SLC25A21: variants seen among roughly 807,000 people sequenced by gnomAD.
SLC25A21 encodes solute carrier family 25 member 21.
A neutral mutation model predicts 43.8 loss-of-function variants in SLC25A21; 47 were observed. The observed-to-expected ratio is 1.07, with a 90% CI of 0.85 to 1.37. The LOEUF is 1.37. Ranked by LOEUF, SLC25A21 falls within the 40% of genes most tolerant of loss-of-function variation. The probability of loss-of-function intolerance (pLI) is 0.00; values close to 1 mark genes in which losing one functional copy is unlikely to be tolerated. For missense variants in SLC25A21, 352 were observed against 350.2 expected (o/e 1.00, Z -0.04); for synonymous variants, 131 against 121.3 (o/e 1.08, Z -0.52).
intron 5 of SLC25A21, 88 bp downstream of exon 5, chr14:36,729,419 G>A: frequency 2.0e-6 from 2 of 987,650 alleles, no homozygotes; most frequent in East Asian, 5.6e-5. Context: ...TTTAGTAGCT[G>A]GGCTTGGAAA....
chr14:36,896,134 G>T (rs1454656402), intron 1 of SLC25A21, among the ~76,000 whole-genome samples: 2 of 152,216 alleles, frequency 1.3e-5, no homozygotes, highest in Non-Finnish European at 2.9e-5. Flanking sequence ...AATGTTGACA[G>T]TGGGGTGTTA....
intron 3 of SLC25A21, among the ~76,000 whole-genome samples, chr14:36,783,580 G>A (rs1239809527): frequency 1.3e-5 from 2 of 152,112 alleles, no homozygotes; most frequent in South Asian, 2.1e-4. Context: ...GTATGCTCTC[G>A]CTTTCTTCTA....
chr14:36,763,600 G>A (rs1886247008), intron 3 of SLC25A21, among the ~76,000 whole-genome samples: 4 of 152,144 alleles, frequency 2.6e-5, no homozygotes. Flanking sequence ...TGGTGGTAGG[G>A]GGTCTGGAAA....
At chr14:37,160,640 TA>T (rs1324723354) in intron 1 of SLC25A21, among the ~76,000 whole-genome samples, 1 of 151,662 alleles carries the variant, frequency 6.6e-6, no homozygotes, top group Non-Finnish European at 1.5e-5. Flanking sequence ...ATAGTAGAAA[TA>T]AATTCAGGCC....
At chr14:36,690,845 T>G (rs1882767002) in intron 7 of SLC25A21, among the ~76,000 whole-genome samples, 2 of 152,206 alleles carry the variant, frequency 1.3e-5, no homozygotes, top group Admixed American at 1.3e-4. Flanking sequence ...ACAGAAGACA[T>G]ACTATTATAG....
At chr14:37,095,518 G>A (rs570398054) in intron 1 of SLC25A21, among the ~76,000 whole-genome samples, 2 of 151,914 alleles carry the variant, frequency 1.3e-5, no homozygotes, top group South Asian at 2.1e-4. Flanking sequence ...ACTCCATCTC[G>A]ACAAACAAAC....
chr14:37,064,414 GTCTC>G (rs369330133), intron 1 of SLC25A21, among the ~76,000 whole-genome samples: 11 of 149,860 alleles, frequency 7.3e-5, no homozygotes, highest in South Asian at 6.3e-4. Flanking sequence ...AAATTCTCTT[GTCTC>G]TCTCTCTCTC....
rs1405746137 is a variant in SLC25A21, at chr14:36,686,506, T to C, written c.604-1581A>G. Among the ~76,000 whole-genome samples, 3 of 152,168 alleles carry C rather than the reference T, an allele frequency of 2.0e-5. No homozygotes were observed. In the East Asian group the frequency reaches 5.8e-4, roughly 29 times the overall value. Reference sequence around the variant, plus strand: ...AGTCACTGAATCACCCAGAGCCCAGTGTATCCAAGGGAAGTTTTTAACTCC... The same window carrying C: ...AGTCACTGAATCACCCAGAGCCCAGCGTATCCAAGGGAAGTTTTTAACTCC... On this transcript the variant is annotated intron_variant, in intron 7 of 9. Coordinates refer to ENST00000331299, the MANE Select transcript of SLC25A21 (RefSeq NM_030631.4).
At chr14:37,005,940 C>CT (rs139651595) in intron 1 of SLC25A21, among the ~76,000 whole-genome samples, 3 of 152,054 alleles carry the variant, frequency 2.0e-5, no homozygotes, top group Admixed American at 6.5e-5. Flanking sequence ...TAAAAAATAA[C>CT]TTTTTTTTCA....
At chr14:36,946,418 A>T (rs1892681093) in intron 1 of SLC25A21, among the ~76,000 whole-genome samples, 1 of 152,128 alleles carries the variant, frequency 6.6e-6, no homozygotes, top group African/African-American at 2.4e-5. Context: ...TACCATGAGT[A>T]AACTTATATT....
At chr14:36,874,285 G>A (rs1214372819) in intron 2 of SLC25A21, among the ~76,000 whole-genome samples, 2 of 152,166 alleles carry the variant, frequency 1.3e-5, no homozygotes, top group Admixed American at 6.5e-5. Context: ...CAAATAAATG[G>A]AAATTTTCAC....
intron 2 of SLC25A21, among the ~76,000 whole-genome samples, chr14:36,828,160 T>C (rs1428748297): frequency 6.6e-6 from 1 of 150,922 alleles, no homozygotes; most frequent in African/African-American, 2.4e-5. Context: ...GGCATGGAAA[T>C]CCATGAGGAA....
intron 9 of SLC25A21, among the ~76,000 whole-genome samples, chr14:36,682,285 C>T (rs1323535488): frequency 6.6e-6 from 1 of 151,888 alleles, no homozygotes; most frequent in Admixed American, 6.6e-5. Context: ...GCTTTGAAGT[C>T]GCTGGGATGC....
intron 2 of SLC25A21, among the ~76,000 whole-genome samples, chr14:36,816,494 CCT>C (rs1167732216): frequency 1.4e-5 from 2 of 146,228 alleles, no homozygotes; most frequent in South Asian, 2.2e-4. Context: ...AACATATTCT[CCT>C]CTTTTTTTTT....
intron 1 of SLC25A21, among the ~76,000 whole-genome samples, chr14:37,124,050 G>A (rs991042314): frequency 3.9e-4 from 58 of 148,078 alleles, no homozygotes; most frequent in African/African-American, 1.3e-3. Flanking sequence ...TCACTCTGTC[G>A]CCCAGGCTGG....
intron 4 of SLC25A21, among the ~76,000 whole-genome samples, chr14:36,733,035 A>G (rs1195025094): frequency 6.6e-6 from 1 of 152,222 alleles, no homozygotes; most frequent in African/African-American, 2.4e-5. Flanking sequence ...TATAAAGCTC[A>G]ACTATTTTTT....
chr14:36,722,663 T>C (rs923828051), intron 6 of SLC25A21, among the ~76,000 whole-genome samples: 7 of 152,204 alleles, frequency 4.6e-5, no homozygotes, highest in Non-Finnish European at 7.3e-5. Context: ...TTCACCTGTT[T>C]CTTTTTATTT....
chr14:37,040,327 GGGAAGGAA>G lies in SLC25A21; in HGVS notation c.70+131946_70+131953del, dbSNP rs1161001643. On this transcript the variant is annotated intron_variant, in intron 1 of 9. Coordinates refer to ENST00000331299, the MANE Select transcript of SLC25A21 (RefSeq NM_030631.4). ...AGGAAGGAAAGGAAGAAAGGAAGAG[GGGAAGGAA>G]GGAAGGAAGGAAGGAAGGAAAGAAA... is the stretch of plus-strand genomic sequence containing the variant. 1.8e-4 allele frequency among the ~76,000 whole-genome samples: 10 copies of G among 55,546 alleles called. 1 individual carries two copies. The highest frequency in any genetic ancestry group is 5.2e-4 in the East Asian group (1 of 1,920). The allele number at this position is 55,546 out of a possible 152,430, so 36.4% of individuals were successfully genotyped here.
intron 6 of SLC25A21, among the ~76,000 whole-genome samples, chr14:36,713,682 T>C (rs1344770296): frequency 6.6e-6 from 1 of 152,204 alleles, no homozygotes; most frequent in Non-Finnish European, 1.5e-5. Context: ...AGGATAATGA[T>C]AGAATCTTCC....
Sources: allele counts gnomAD v4.1 joint callset (sites outside exome capture counted in the v4.1 genomes callset), GRCh38; gene constraint gnomAD v4.1.1; transcripts MANE v1.5; gene names NCBI Gene and HGNC (gene_info 2026-07-23, HGNC 2026-07-21).